The following PALM2AKAP2 variants were observed in gnomAD, a reference collection of about 807,000 sequenced individuals.
The protein encoded by PALM2AKAP2 is PALM2-AKAP2 fusion protein.
In PALM2AKAP2, 37 loss-of-function variants were observed where a neutral mutation model predicts 71.5. The observed-to-expected ratio is 0.52, with a 90% CI of 0.40 to 0.68. PALM2AKAP2 has a LOEUF of 0.68. PALM2AKAP2 is among the 30% of genes least tolerant of loss of function. PALM2AKAP2 has a pLI of 0.00. For synonymous variants in PALM2AKAP2, 468 were observed against 478.8 expected (o/e 0.98, Z 0.29); for missense variants, 1,224 against 1,191.8 (o/e 1.03, Z -0.40).
chr9:109,700,163 C>T (rs1314605639), intron 1 of PALM2AKAP2, among the ~76,000 whole-genome samples: 1 of 152,118 alleles, frequency 6.6e-6, no homozygotes, highest in Non-Finnish European at 1.5e-5. Context: ...TGTGGTTTGG[C>T]TGTGTCCCCA....
chr9:109,697,900 A>G (rs1345289389), intron 1 of PALM2AKAP2, among the ~76,000 whole-genome samples: 3 of 152,176 alleles, frequency 2.0e-5, no homozygotes, highest in Non-Finnish European at 4.4e-5. Flanking sequence ...CATTCATTTT[A>G]CCGCATTAAT....
At chr9:109,956,150 G>A (rs558765834) in intron 6 of PALM2AKAP2, among the ~76,000 whole-genome samples, 15 of 151,568 alleles carry the variant, frequency 9.9e-5, no homozygotes, top group South Asian at 2.1e-4. Flanking sequence ...GATTACAGGC[G>A]CATGCCACCA....
At chr9:110,079,898 C>T (rs1257314800) in intron 1 of PALM2AKAP2, among the ~76,000 whole-genome samples, 1 of 151,814 alleles carries the variant, frequency 6.6e-6, no homozygotes, top group Non-Finnish European at 1.5e-5. Context: ...GGTGAAACCT[C>T]GTCTCTACTG....
chr9:110,143,973 T>C (rs149368160), intron 2 of PALM2AKAP2, among the ~76,000 whole-genome samples: 6 of 152,338 alleles, frequency 3.9e-5, no homozygotes, highest in African/African-American at 1.4e-4. Flanking sequence ...GAGGTGATCA[T>C]TACATTATTA....
chr9:109,642,608 A>G (rs1382034486), intron 1 of PALM2AKAP2, among the ~76,000 whole-genome samples: 1 of 151,648 alleles, frequency 6.6e-6, no homozygotes, highest in Non-Finnish European at 1.5e-5. Flanking sequence ...CCCAGGCTGG[A>G]GTGCAATGGC....
chr9:109,795,804 G>A (rs1827237458), intron 1 of PALM2AKAP2, among the ~76,000 whole-genome samples: 1 of 152,212 alleles, frequency 6.6e-6, no homozygotes, highest in Non-Finnish European at 1.5e-5. Context: ...GTTCACACAA[G>A]GTCCCTGTAG....
intron 3 of PALM2AKAP2, among the ~76,000 whole-genome samples, chr9:109,904,176 C>A (rs1353816427): frequency 1.3e-5 from 2 of 152,186 alleles, no homozygotes; most frequent in Admixed American, 6.5e-5. Flanking sequence ...AACATTAGCT[C>A]ATTTAAGCTT....
chr9:109,988,663 AGGAAG>A (rs1489089916), intron 6 of PALM2AKAP2, among the ~76,000 whole-genome samples: 7 of 129,348 alleles, frequency 5.4e-5, no homozygotes, highest in East Asian at 2.2e-4. Context: ...AAAGAAGGGA[AGGAAG>A]GGAAGGGAAG....
At chr9:109,929,798 A>C (rs1482119495) in intron 5 of PALM2AKAP2, among the ~76,000 whole-genome samples, 1 of 142,292 alleles carries the variant, frequency 7.0e-6, no homozygotes, top group East Asian at 2.1e-4. Flanking sequence ...TGGGAGGCAG[A>C]GCTTGCAGTG....
At chr9:109,813,530 T>C (rs1827777026) in intron 1 of PALM2AKAP2, among the ~76,000 whole-genome samples, 1 of 152,130 alleles carries the variant, frequency 6.6e-6, no homozygotes, top group Non-Finnish European at 1.5e-5. Context: ...TTTTCTGCCC[T>C]CCCTTTAAGG....
At chr9:109,957,214 G>C (rs146414361) in intron 6 of PALM2AKAP2, among the ~76,000 whole-genome samples, 142 of 152,360 alleles carry the variant, frequency 9.3e-4, no homozygotes, top group African/African-American at 3.3e-3. Flanking sequence ...ATGGAGGCTA[G>C]ATCTGATTGG....
intron 1 of PALM2AKAP2, among the ~76,000 whole-genome samples, chr9:110,091,081 G>A (rs1834695095): frequency 6.6e-6 from 1 of 152,048 alleles, no homozygotes; most frequent in Admixed American, 6.6e-5. Flanking sequence ...CCTGCTGCTA[G>A]TCGGGCACTT....
chr9:110,034,676 C>T (rs1302429147), intron 7 of PALM2AKAP2, among the ~76,000 whole-genome samples: 1 of 146,312 alleles, frequency 6.8e-6, no homozygotes, highest in Non-Finnish European at 1.5e-5. Flanking sequence ...GCAATCTCAG[C>T]TCACTGCAAC....
At chr9:109,838,905 C>T (rs965251179) in intron 1 of PALM2AKAP2, among the ~76,000 whole-genome samples, 2 of 152,090 alleles carry the variant, frequency 1.3e-5, no homozygotes, top group African/African-American at 4.8e-5. Flanking sequence ...AGCCTACCAA[C>T]CAAAAAAAGT....
At chr9:110,009,929 A>G (rs1463030814) in intron 6 of PALM2AKAP2, among the ~76,000 whole-genome samples, 2 of 152,160 alleles carry the variant, frequency 1.3e-5, no homozygotes, top group Non-Finnish European at 2.9e-5. Context: ...AGTTAGTAGC[A>G]GAGAGGGCAG....
At chr9:109,740,532 G>A (rs149747011) in intron 1 of PALM2AKAP2, among the ~76,000 whole-genome samples, 27 of 152,246 alleles carry the variant, frequency 1.8e-4, no homozygotes, top group South Asian at 4.2e-4. Flanking sequence ...GAGACTGCTC[G>A]GTATGTCCAA....
At chr9:109,993,994 T>C (rs1832528801) in intron 6 of PALM2AKAP2, among the ~76,000 whole-genome samples, 1 of 152,168 alleles carries the variant, frequency 6.6e-6, no homozygotes, top group South Asian at 2.1e-4. Flanking sequence ...CCTACTTATT[T>C]TCCCAATTCA....
At chr9:109,748,199 T>A (rs1828832261) in intron 1 of PALM2AKAP2, among the ~76,000 whole-genome samples, 1 of 151,926 alleles carries the variant, frequency 6.6e-6, no homozygotes, top group Non-Finnish European at 1.5e-5. Flanking sequence ...TGTAGCAGAG[T>A]GACCAAGCAT....
intron 6 of PALM2AKAP2, among the ~76,000 whole-genome samples, chr9:109,977,719 C>A (rs1017096643): frequency 3.3e-5 from 5 of 152,162 alleles, no homozygotes; most frequent in Admixed American, 6.5e-5. Flanking sequence ...GGTCTGCAAG[C>A]GTGACACATC....
Sources: allele counts gnomAD v4.1 joint callset (sites outside exome capture counted in the v4.1 genomes callset), GRCh38; gene constraint gnomAD v4.1.1; transcripts MANE v1.5; gene names NCBI Gene and HGNC (gene_info 2026-07-23, HGNC 2026-07-21).